The following SELE variants were observed in gnomAD, a reference collection of about 807,000 sequenced individuals.
SELE encodes the protein E-selectin.
In SELE, 52 loss-of-function variants were observed where a neutral mutation model predicts 75.8. The ratio of observed to expected loss-of-function variants is 0.69; its 90% CI spans 0.55 to 0.86. SELE has a LOEUF of 0.86. Among genes scored for constraint, SELE ranks in the 40% least tolerant of loss-of-function variants. The pLI is 0.00. For synonymous variants in SELE, 285 were observed against 258.7 expected, an observed-to-expected ratio of 1.10 and a Z score of -0.98; for missense variants, 754 against 732.7, an observed-to-expected ratio of 1.03 and a Z score of -0.34.
At chr1:169,731,088 GTA>G (rs1648900145) in intron 4 of SELE, among the ~76,000 whole-genome samples, 1 of 152,104 alleles carries the variant, frequency 6.6e-6, no homozygotes, top group African/African-American at 2.4e-5. Flanking sequence ...GTCTACTATA[GTA>G]GCCACTATCT....
chr1:169,732,883 T>C lies in SELE; in HGVS notation c.153A>G (p.Gln51=), dbSNP rs764461861. Residue 51 remains glutamine, a synonymous_variant, in exon 3 of 14, where the codon CAA becomes CAG. Coordinates refer to ENST00000333360, the MANE Select transcript of SELE (RefSeq NM_000450.2). ...TTAGGTACTCAATCTCTTCTTTGTT[T>C]TGAATTGCAACCAGGTGTGTGTACC... is the stretch of plus-strand genomic sequence containing the variant. ...QQRYTHLVAI[Q]NKEEIEYLNS... is the part of the protein sequence containing the mutation. 6.2e-7 allele frequency: 1 copy of C among 1,614,182 alleles called. No homozygotes were observed. The highest frequency in any genetic ancestry group is 8.5e-7 in the Non-Finnish European group (1 of 1,180,018).
In SELE at chr1:169,727,364, G is replaced by A; in HGVS notation, c.1630C>T (p.Leu544=). The part of the protein sequence containing the change: ...CGATGHWSGL[L]PTCEAPTESN... The stretch of plus-strand genomic sequence containing the variant: ...AATGCATCACCTTCACAGGTAGGTA[G>A]CAGGCCAGACCAGTGTCCTGTGGCT... Residue 544 remains leucine, a synonymous_variant, in exon 10 of 14, where the codon CTA becomes TTA. Transcript: ENST00000333360. The A allele has an allele frequency of 6.2e-7, 1 of 1,612,526 alleles. No homozygotes were observed. Among genetic ancestry groups the A allele is most frequent in the Non-Finnish European group, 8.5e-7 (1 of 1,179,442 alleles).
intron 9 of SELE, 59 bp downstream of exon 9, chr1:169,727,680 T>C: frequency 6.4e-7 from 1 of 1,569,500 alleles, no homozygotes; most frequent in Non-Finnish European, 8.7e-7. Context: ...GCAATCTAGG[T>C]TCAGAAACTT....
At position 169,727,913 on chromosome 1, in the gene SELE, C is replaced by T. The variant is rs1168780294; in HGVS notation, c.1294G>A (p.Ala432Thr). The T allele has an allele frequency of 2.5e-6, 4 of 1,613,446 alleles. No individual in the cohort carries two copies. Among genetic ancestry groups the T allele is most frequent in the Non-Finnish European group, 3.4e-6 (4 of 1,179,706 alleles). Residue 432 changes from alanine to threonine, a missense_variant, in exon 9 of 14, where the codon GCT becomes ACT. Coordinates refer to ENST00000333360, the MANE Select transcript of SELE (RefSeq NM_000450.2). ...KPTCEAVRCD[A>T]VHQPPKGLVR... ...AAACCCTTCGGGGGCTGGTGGACAG[C>T]ATCGCATCTCACAGCTGGAACACAC...
At chr1:169,732,521 A>T in intron 3 of SELE, 94 bp downstream of exon 3, 1 of 1,423,000 alleles carries the variant, frequency 7.0e-7, no homozygotes, top group Non-Finnish European at 9.4e-7. Context: ...GGAACATAAA[A>T]TGACCACAAT....
rs2101994594 is a variant in SELE, at chr1:169,733,605, G to C, written c.8C>G (p.Ala3Gly). The change falls in exon 2 of 14, where the codon GCT (alanine) becomes GGT (glycine). Residue 3 changes from alanine to glycine, a missense_variant. Physicochemically the swap from Ala to Gly is moderately conservative, Grantham distance 60. Transcript: ENST00000333360. ...AGTGAGAGCTGAGAGAAACTGTGAA[G>C]CAATCATGACTTCAAGAGTTCTTTT... MI[A>G]SQFLSALTLV... The C allele has an allele frequency of 6.2e-7, 1 of 1,614,008 alleles. No homozygotes were observed. Among genetic ancestry groups the C allele is most frequent in the South Asian group, 1.1e-5 (1 of 91,076 alleles).
chr1:169,727,761 T>G lies in SELE; in HGVS notation c.1446A>C (p.Thr482=). 1 of 1,614,140 alleles carries G rather than the reference T, an allele frequency of 6.2e-7. No homozygotes were observed. The highest frequency in any genetic ancestry group is 1.1e-5 in the South Asian group (1 of 91,044). ...QLECTSQGQW[T]EEVPSCQVVK... ...TACCTTGGCAGGAAGGAACCTCTTCTGTCCATTGTCCCTGAGATGTGCACT... is the reference window on the plus strand; with the variant it reads ...TACCTTGGCAGGAAGGAACCTCTTCGGTCCATTGTCCCTGAGATGTGCACT... The change falls in exon 9 of 14, where the codon ACA becomes ACC. Residue 482 remains threonine, a synonymous_variant. Transcript: ENST00000333360.
intron 1 of SELE, 142 bp downstream of exon 1, chr1:169,733,829 T>C: frequency 5.1e-6 from 3 of 583,834 alleles, no homozygotes; most frequent in Non-Finnish European, 6.1e-6. Flanking sequence ...TTTAAGACTT[T>C]CATTATTTAG....
In SELE at chr1:169,726,719, A is replaced by G; in HGVS notation, c.1733T>C (p.Leu578Pro). ...LLTLAPFLLW[L>P]RKCLRKAKKF... ...CTCACCTTTCCGTAAGCATTTCCGA[A>G]GCCAGAGGAGAAATGGTGCTAATGT... Residue 578 changes from leucine (L) to proline (P), a missense_variant, in exon 11 of 14, where the codon CTT becomes CCT. By Grantham distance (98) the Leu-to-Pro change is moderately conservative. Transcript: ENST00000333360. The G allele has an allele frequency of 1.2e-6, 2 of 1,613,130 alleles. No individual in the cohort carries two copies. The highest frequency in any genetic ancestry group is 2.2e-5 in the East Asian group (1 of 44,872).
rs1434538745 is a variant in SELE at position 169,732,979 on chromosome 1, A to G, written c.57T>C (p.Ser19=). Residue 19 remains serine, a synonymous_variant, in exon 3 of 14, where the codon AGT becomes AGC. Coordinates refer to ENST00000333360, the MANE Select transcript of SELE (RefSeq NM_000450.2). ...ALTLVLLIKE[S]GAWSYNTSTE... is the part of the protein sequence containing the mutation. Reference sequence around the variant, plus strand: ...TGGAGGTGTTGTAAGACCAGGCTCCACTCTCTTTAATGAGAAGCACTAGTG... The same window carrying G: ...TGGAGGTGTTGTAAGACCAGGCTCCGCTCTCTTTAATGAGAAGCACTAGTG... 6 of 1,597,066 alleles carry G rather than the reference A, an allele frequency of 3.8e-6. No homozygotes were observed. Among genetic ancestry groups the G allele is most frequent in the Non-Finnish European group, 5.1e-6 (6 of 1,174,322 alleles).
In SELE at chr1:169,728,099, C is replaced by T. The variant is rs564943690; in HGVS notation, c.1238G>A (p.Gly413Asp). 31 of 1,614,126 alleles carry T rather than the reference C, an allele frequency of 1.9e-5. No homozygotes were observed. The South Asian group carries it at 3.3e-4, about 17-fold the overall frequency. Residue 413 changes from glycine (G) to aspartate (D), a missense_variant, in exon 8 of 14, where the codon GGC (glycine) becomes GAC (aspartate). Physicochemically the swap from Gly to Asp is moderately conservative, Grantham distance 94. Transcript: ENST00000333360. The stretch of plus-strand genomic sequence containing the variant: ...CTCGTTGTCCCACTCCCCTGTGGGG[C>T]CACATTGGAGCCTTTTGGATCCCTT... ...VLKGSKRLQC[G>D]PTGEWDNEKP...
In SELE at chr1:169,723,713, A is replaced by G. The variant is rs1648682328; in HGVS notation, c.*812T>C. 6.6e-6 allele frequency: 1 copy of G among 152,088 alleles called. No homozygotes were observed. Among genetic ancestry groups the G allele is most frequent in the Non-Finnish European group, 1.5e-5 (1 of 68,040 alleles). 9.4% of individuals were successfully genotyped at this position (152,088 alleles called of 1,614,324 possible). A position where few individuals can be genotyped will look rare whatever the true frequency, so the allele number is the denominator to read the frequency against. ...TCCCTTTTTGAAATAAATTTAAAACAGATGTAACATAATTTGTTAATAAAC... is the reference window on the plus strand; with the variant it reads ...TCCCTTTTTGAAATAAATTTAAAACGGATGTAACATAATTTGTTAATAAAC... On this transcript the variant is annotated 3_prime_UTR_variant, in exon 14 of 14. Transcript: ENST00000333360.
Position 169,732,967 on chromosome 1 carries a change from A to T in SELE, c.69T>A (p.Ser23=). The T allele has an allele frequency of 6.2e-7, 1 of 1,606,470 alleles. No individual in the cohort carries two copies. Among genetic ancestry groups the T allele is most frequent in the Non-Finnish European group, 8.5e-7 (1 of 1,177,634 alleles). Reference sequence around the variant, plus strand: ...TCATAGCTTCCGTGGAGGTGTTGTAAGACCAGGCTCCACTCTCTTTAATGA... The same window carrying T: ...TCATAGCTTCCGTGGAGGTGTTGTATGACCAGGCTCCACTCTCTTTAATGA... ...VLLIKESGAW[S]YNTSTEAMTY... Residue 23 remains serine (S), a synonymous_variant, in exon 3 of 14, where the codon TCT becomes TCA. Coordinates refer to ENST00000333360, the MANE Select transcript of SELE (RefSeq NM_000450.2).
chr1:169,734,034 T>C lies in SELE; in HGVS notation c.-112A>G, dbSNP rs111377096. Reference sequence around the variant, plus strand: ...GGTGGGTATCACTGCTGCCTCTGTCTCAGGTCAGTATAGGAGTTTTGATGT... The same window carrying C: ...GGTGGGTATCACTGCTGCCTCTGTCCCAGGTCAGTATAGGAGTTTTGATGT... On this transcript the variant is annotated 5_prime_UTR_variant, in exon 1 of 14. Coordinates refer to ENST00000333360, the MANE Select transcript of SELE (RefSeq NM_000450.2). The C allele has an allele frequency of 2.4e-3, 456 of 186,784 alleles. 2 individuals carry two copies. The highest frequency in any genetic ancestry group is 0.012 in the Middle Eastern group (5 of 426). 11.6% of individuals were successfully genotyped at this position (186,784 alleles called of 1,614,324 possible).
rs748666113 is a variant in SELE, at chr1:169,725,929, C to A, written c.1754-1G>T. 1.9e-5 allele frequency: 31 copies of A among 1,613,876 alleles called. No homozygotes were observed. In the Middle Eastern group the frequency reaches 2.5e-3, roughly 129 times the overall value. On this transcript the variant is annotated splice_acceptor_variant, in intron 11 of 13. Coordinates refer to ENST00000333360, the MANE Select transcript of SELE (RefSeq NM_000450.2). LOFTEE classifies it high-confidence loss of function. ...TACCTGGCAGGAACAAATTTCTTTG[C>A]TGCAAAAGAAAAGACAAACAACCAT...
intron 11 of SELE, 76 bp from the exon 12 acceptor site, chr1:169,726,004 T>C: frequency 6.5e-7 from 1 of 1,533,398 alleles, no homozygotes. Context: ...AGATACAATA[T>C]GACTTAATTC....
chr1:169,727,297 T>C, intron 10 of SELE, 52 bp downstream of exon 10: 11 of 1,555,706 alleles, frequency 7.1e-6, no homozygotes, highest in Non-Finnish European at 9.6e-6. Flanking sequence ...ACAAGATAGC[T>C]CCCCCTTTTT....
chr1:169,730,701 T>G lies in SELE; in HGVS notation c.530-84A>C, dbSNP rs74121788. 654 of 767,106 alleles carry G rather than the reference T, an allele frequency of 8.5e-4. 5 individuals are homozygous for G. In the African/African-American group the frequency reaches 0.011, roughly 13 times the overall value. The allele number at this position is 767,106 out of a possible 1,614,324, so 47.5% of individuals were successfully genotyped here. On this transcript the variant is annotated intron_variant, in intron 4 of 13. Transcript: ENST00000333360. Reference sequence around the variant, plus strand: ...TGGAAACTAGAACTACAGTTTGGTTTTTTTTTTTTTTAGTTTAAAAATTTA... The same window carrying G: ...TGGAAACTAGAACTACAGTTTGGTTGTTTTTTTTTTTAGTTTAAAAATTTA...
chr1:169,726,674 G>A lies in SELE; in HGVS notation c.1753+25C>T, dbSNP rs3917459. 4.0e-3 allele frequency: 5,915 copies of A among 1,480,768 alleles called. 18 individuals carry two copies. The highest frequency in any genetic ancestry group is 4.6e-3 in the Non-Finnish European group (4,862 of 1,061,082). 91.7% of individuals were successfully genotyped at this position (1,480,768 alleles called of 1,614,324 possible). The stretch of plus-strand genomic sequence containing the variant: ...GAAATGTATTTTCAAAAACATTTTT[G>A]AAGTACATTCATAAACTTCCTCACC... On this transcript the variant is annotated intron_variant, in intron 11 of 13. Transcript: ENST00000333360.
Sources: allele counts gnomAD v4.1 joint callset (sites outside exome capture counted in the v4.1 genomes callset), GRCh38; gene constraint gnomAD v4.1.1; transcripts MANE v1.5; gene names NCBI Gene and HGNC (gene_info 2026-07-23, HGNC 2026-07-21).